Variants in MBTPS1 observed in about 807,000 individuals in gnomAD.
MBTPS1 encodes membrane bound transcription factor peptidase, site 1.
Under a neutral mutation model 127.8 loss-of-function variants are expected in MBTPS1, and 94 were observed. That is an observed-to-expected ratio of 0.74 (90% CI 0.62 to 0.87). MBTPS1 has a LOEUF of 0.87. Among genes scored for constraint, MBTPS1 ranks in the 40% least tolerant of loss-of-function variants. The pLI is 0.00. For missense variants in MBTPS1, 1,636 were observed against 1,353.2 expected, an observed-to-expected ratio of 1.21 and a Z score of -3.28; for synonymous variants, 632 against 509.4, an observed-to-expected ratio of 1.24 and a Z score of -3.24.
chr16:84,076,924 A>T (rs2085862063), intron 11 of MBTPS1, among the ~76,000 whole-genome samples: 1 of 152,184 alleles, frequency 6.6e-6, no homozygotes, highest in South Asian at 2.1e-4. Context: ...GAAAACAAAC[A>T]TGCAAGAATA....
chr16:84,070,611 C>T lies in MBTPS1; in HGVS notation c.1759G>A (p.Val587Met), dbSNP rs751251813. The T allele has an allele frequency of 2.2e-5, 35 of 1,612,564 alleles. No homozygotes were observed. Among genetic ancestry groups the T allele is most frequent in the Non-Finnish European group, 2.8e-5 (33 of 1,179,814 alleles). ...GIAQGHVMIT[V>M]ASPAETESKN... is the part of the protein sequence containing the mutation. ...ACCTCTGTCTCTGCTGGGGAAGCCA[C>T]AGTGATCATGACATGGCCCTGAGCA... Residue 587 changes from valine (V) to methionine (M), a missense_variant, in exon 13 of 23, where the codon GTG becomes ATG. Transcript: ENST00000343411.
At chr16:84,097,539 C>T (rs1049148374) in intron 3 of MBTPS1, among the ~76,000 whole-genome samples, 12 of 152,160 alleles carry the variant, frequency 7.9e-5, no homozygotes, top group African/African-American at 2.9e-4. Flanking sequence ...CATGGGAATC[C>T]CATCTCCAGA....
intron 11 of MBTPS1, among the ~76,000 whole-genome samples, chr16:84,081,277 G>C (rs1340939329): frequency 6.6e-6 from 1 of 152,240 alleles, no homozygotes; most frequent in Non-Finnish European, 1.5e-5. Flanking sequence ...GGCCCAGGCC[G>C]GACGGGAGTA....
chr16:84,093,100 T>C, intron 6 of MBTPS1, 88 bp downstream of exon 6: 1 of 903,076 alleles, frequency 1.1e-6, no homozygotes, highest in Non-Finnish European at 1.9e-6. Context: ...CGTGCACTCC[T>C]TTTACACAAG....
chr16:84,079,269 T>G (rs1477280309), intron 11 of MBTPS1, among the ~76,000 whole-genome samples: 2 of 152,240 alleles, frequency 1.3e-5, no homozygotes, highest in African/African-American at 4.8e-5. Context: ...CAACTGAACC[T>G]CTTTTCTTTA....
rs760040196 is a variant in MBTPS1, at chr16:84,065,704, G to A, written c.2417C>T (p.Thr806Ile). The change falls in exon 18 of 23, where the codon ACT becomes ATT. Residue 806 changes from threonine to isoleucine, a missense_variant. Thr to Ile is a moderately conservative substitution (Grantham distance 89, BLOSUM62 -1). Coordinates refer to ENST00000343411, the MANE Select transcript of MBTPS1 (RefSeq NM_003791.4). ...FPEDGVVITQ[T>I]FKDQGLEVLK... is the part of the protein sequence containing the mutation. ...GCATCCTTTACCTTGGTCCTTGAAA[G>A]TCTGTGTTATCACGACGCCATCTTC... 1 of 1,612,924 alleles carries A rather than the reference G, an allele frequency of 6.2e-7. No individual in the cohort carries two copies. The highest frequency in any genetic ancestry group is 8.5e-7 in the Non-Finnish European group (1 of 1,179,246).
At chr16:84,094,343 C>A (rs1398952081) in intron 4 of MBTPS1, among the ~76,000 whole-genome samples, 1 of 152,194 alleles carries the variant, frequency 6.6e-6, no homozygotes, top group African/African-American at 2.4e-5. Flanking sequence ...TATAATACAG[C>A]AAACTCTGCC....
chr16:84,105,481 A>AG (rs1392067962), intron 1 of MBTPS1, among the ~76,000 whole-genome samples: 1 of 151,978 alleles, frequency 6.6e-6, no homozygotes, highest in Non-Finnish European at 1.5e-5. Context: ...TCTGCTGGGG[A>AG]GGGGGCACTG....
chr16:84,097,521 A>G (rs2086192905), intron 3 of MBTPS1, among the ~76,000 whole-genome samples: 1 of 152,162 alleles, frequency 6.6e-6, no homozygotes, highest in Non-Finnish European at 1.5e-5. Flanking sequence ...CGCAGTGGAG[A>G]TGGTGTCCAT....
chr16:84,110,178 C>T (rs1433407065), intron 1 of MBTPS1, among the ~76,000 whole-genome samples: 2 of 152,154 alleles, frequency 1.3e-5, no homozygotes, highest in East Asian at 3.9e-4. Context: ...AGACCACACA[C>T]GTCAGACAGA....
intron 14 of MBTPS1, among the ~76,000 whole-genome samples, chr16:84,069,023 G>T (rs915763308): frequency 2.6e-5 from 4 of 152,128 alleles, no homozygotes; most frequent in African/African-American, 9.7e-5. Context: ...GCAGGCCAAC[G>T]GGCTTGCCTT....
chr16:84,084,529 T>C (rs11149624), intron 10 of MBTPS1, among the ~76,000 whole-genome samples: 44,704 of 152,230 alleles, frequency 0.29, 6,880 homozygotes, highest in East Asian at 0.43. Flanking sequence ...TAACATCATG[T>C]TGTATATCTT....
chr16:84,080,364 C>T (rs779119348), intron 11 of MBTPS1, among the ~76,000 whole-genome samples: 3 of 152,230 alleles, frequency 2.0e-5, no homozygotes, highest in Non-Finnish European at 4.4e-5. Flanking sequence ...ACCATCAAGG[C>T]ATGCTAACAT....
Position 84,063,460 on chromosome 16 carries a change from CA to C in MBTPS1, c.2432-16del, listed in dbSNP as rs781122328. The C allele has an allele frequency of 5.6e-6, 9 of 1,609,418 alleles. No homozygotes were observed. The East Asian group carries it at 1.3e-4, about 24-fold the overall frequency. Reference sequence around the variant, plus strand: ...AACCTCCAATCCTGAAACAACACAACAAAAAACAACAGCCATGAGAGTTTCC... The same window carrying C: ...AACCTCCAATCCTGAAACAACACAACAAAAACAACAGCCATGAGAGTTTCC... On this transcript the variant is annotated splice_polypyrimidine_tract_variant and intron_variant, in intron 18 of 22. Transcript: ENST00000343411.
In MBTPS1 at chr16:84,081,825, T is replaced by G; in HGVS notation, c.1370A>C (p.Asn457Thr). Residue 457 changes from asparagine (N) to threonine (T), a missense_variant, in exon 11 of 23, where the codon AAC becomes ACC. Physicochemically the swap from Asn to Thr is moderately conservative, Grantham distance 65 (BLOSUM62 0). Transcript: ENST00000343411. ...CTTGCCGTGGCCTTGCTCAAACATG[T>G]TGACCCCGGGGAGCCTCCGGGCTGA... Reference protein sequence around the residue: ...IASARRLPGVNMFEQGHGKLD... With the variant: ...IASARRLPGVTMFEQGHGKLD... The G allele has an allele frequency of 1.3e-6, 2 of 1,533,084 alleles. No homozygotes were observed. The highest frequency in any genetic ancestry group is 1.8e-6 in the Non-Finnish European group (2 of 1,139,300). 95.0% of individuals were successfully genotyped at this position (1,533,084 alleles called of 1,614,324 possible). A position where few individuals can be genotyped will look rare whatever the true frequency, so the allele number is the denominator to read the frequency against.
chr16:84,060,547 G>A lies in MBTPS1; in HGVS notation c.2704+135C>T, dbSNP rs868430206. On this transcript the variant is annotated intron_variant, in intron 20 of 22. Transcript: ENST00000343411. Reference sequence around the variant, plus strand: ...AGAGCCGCTGAGTGCTGCTCTACCCGCAGCCATTACGAAAACCACTCAGCG... The same window carrying A: ...AGAGCCGCTGAGTGCTGCTCTACCCACAGCCATTACGAAAACCACTCAGCG... The A allele has an allele frequency of 3.1e-5, 30 of 982,020 alleles. No individual in the cohort carries two copies. The Middle Eastern group carries it at 9.8e-4, about 32-fold the overall frequency. The allele number at this position is 982,020 out of a possible 1,614,324, so 60.8% of individuals were successfully genotyped here. A position where few individuals can be genotyped will look rare whatever the true frequency, so the allele number is the denominator to read the frequency against.
intron 20 of MBTPS1, 65 bp downstream of exon 20, chr16:84,060,617 C>T: frequency 6.4e-7 from 1 of 1,569,860 alleles, no homozygotes; most frequent in Non-Finnish European, 8.7e-7. Context: ...CAGCCACTGG[C>T]TGAAGTAGCA....
At chr16:84,098,716 G>A (rs951227232) in intron 3 of MBTPS1, among the ~76,000 whole-genome samples, 1 of 152,156 alleles carries the variant, frequency 6.6e-6, no homozygotes, top group African/African-American at 2.4e-5. Context: ...ACGAGAAGGC[G>A]GCCGCAGCCT....
In MBTPS1 at chr16:84,087,354, G is replaced by A. The variant is rs1474584560; in HGVS notation, c.1134+4C>T. The stretch of plus-strand genomic sequence containing the variant: ...ATACAATTATTTAGCAAAGAAGAGC[G>A]TACCCAGGTAGTCATTCCCCTTGAA... On this transcript the variant is annotated splice_donor_region_variant and intron_variant, in intron 9 of 22. Transcript: ENST00000343411. 1.3e-5 allele frequency: 21 copies of A among 1,606,224 alleles called. No individual in the cohort carries two copies. The South Asian group carries it at 1.5e-4, about 12-fold the overall frequency.
Sources: gnomAD v4.1 joint callset for allele counts (sites outside exome capture counted in the v4.1 genomes callset) on GRCh38, gnomAD v4.1.1 for gene constraint, MANE v1.5 for transcripts, NCBI Gene and HGNC (gene_info 2026-07-23, HGNC 2026-07-21) for gene names.